The following SLC17A8 variants were observed in gnomAD, a reference collection of about 807,000 sequenced individuals.
SLC17A8 encodes the protein vesicular glutamate transporter 3.
SLC17A8 carries 31 observed loss-of-function variants against 58.0 expected under a neutral mutation model. The observed-to-expected ratio is 0.53, with a 90% CI of 0.40 to 0.72. The LOEUF is 0.72. Among genes scored for constraint, SLC17A8 ranks in the 30% least tolerant of loss-of-function variants. The probability of loss-of-function intolerance (pLI) is 0.00; values close to 1 mark genes in which losing one functional copy is unlikely to be tolerated. For synonymous variants in SLC17A8, 228 were observed against 249.0 expected (o/e 0.92, Z 0.79); for missense variants, 655 against 727.8 (o/e 0.90, Z 1.15).
intron 1 of SLC17A8, among the ~76,000 whole-genome samples, chr12:100,375,787 G>A (rs867821076): frequency 9.2e-5 from 14 of 152,164 alleles, no homozygotes; most frequent in Admixed American, 2.0e-4. Context: ...AGGCACTGCC[G>A]TGAATCATTT....
intron 5 of SLC17A8, among the ~76,000 whole-genome samples, chr12:100,400,212 T>G (rs1379915312): frequency 1.3e-5 from 2 of 152,140 alleles, no homozygotes; most frequent in Non-Finnish European, 2.9e-5. Context: ...GTATTTGGCC[T>G]GGGGACAAAG....
intron 9 of SLC17A8, among the ~76,000 whole-genome samples, chr12:100,406,013 A>G (rs1952823782): frequency 6.6e-6 from 1 of 152,074 alleles, no homozygotes; most frequent in Non-Finnish European, 1.5e-5. Context: ...AATGAAAACT[A>G]ATACAGTAGC....
chr12:100,404,299 C>T, intron 9 of SLC17A8, 129 bp downstream of exon 9: 6 of 1,204,778 alleles, frequency 5.0e-6, no homozygotes, highest in Non-Finnish European at 7.2e-6. Context: ...GTCTGTCCCT[C>T]AGCAGACACT....
At position 100,412,849 on chromosome 12, in the gene SLC17A8, T is replaced by C; in HGVS notation, c.1266T>C (p.Leu422=). The change falls in exon 10 of 12, where the codon CTT becomes CTC. Residue 422 remains leucine (L), a synonymous_variant. Coordinates refer to ENST00000323346, the MANE Select transcript of SLC17A8 (RefSeq NM_139319.3). ...TKGVAISFLV[L]AVGFSGFAIS... ...GGGTGGCTATCTCCTTTCTGGTACT[T>C]GCTGTAGGATTTAGTGGCTTCGCTA... The C allele has an allele frequency of 6.2e-7, 1 of 1,614,120 alleles. No individual in the cohort carries two copies. The highest frequency in any genetic ancestry group is 8.5e-7 in the Non-Finnish European group (1 of 1,179,996).
At chr12:100,357,856 AT>A (rs1176336545) in intron 1 of SLC17A8, among the ~76,000 whole-genome samples, 3 of 152,202 alleles carry the variant, frequency 2.0e-5, no homozygotes, top group African/African-American at 7.2e-5. Context: ...AACTGAAATA[AT>A]TTTTATGTTT....
rs1952787693 is a variant in SLC17A8, at chr12:100,401,076, C to T, written c.677-701C>T. Among the ~76,000 whole-genome samples, 3 of 145,264 alleles carry T rather than the reference C, an allele frequency of 2.1e-5. No homozygotes were observed. The South Asian group carries it at 6.6e-4, about 32-fold the overall frequency. On this transcript the variant is annotated intron_variant, in intron 5 of 11. Transcript: ENST00000323346. ...GCAGTGGTGAGATCTTGGCTCACTGCAACCTCCGCCTCACGGGTTCAAGCA... is the reference window on the plus strand; with the variant it reads ...GCAGTGGTGAGATCTTGGCTCACTGTAACCTCCGCCTCACGGGTTCAAGCA...
Position 100,407,606 on chromosome 12 carries a change from T to G in SLC17A8, c.1186+3436T>G, listed in dbSNP as rs540299676. On this transcript the variant is annotated intron_variant, in intron 9 of 11. Coordinates refer to ENST00000323346, the MANE Select transcript of SLC17A8 (RefSeq NM_139319.3). Reference sequence around the variant, plus strand: ...TATATATTTTTTTTGTTTGTTTGTTTTGTTTTGTTTTGTTTTTGAGATGGA... The same window carrying G: ...TATATATTTTTTTTGTTTGTTTGTTGTGTTTTGTTTTGTTTTTGAGATGGA... Among the ~76,000 whole-genome samples the G allele has an allele frequency of 3.5e-3, 527 of 151,702 alleles. 4 individuals are homozygous for G. Among genetic ancestry groups the G allele is most frequent in the South Asian group, 0.015 (71 of 4,798 alleles).
At chr12:100,416,558 A>G (rs2090669518) in intron 10 of SLC17A8, among the ~76,000 whole-genome samples, 2 of 152,048 alleles carry the variant, frequency 1.3e-5, no homozygotes, top group African/African-American at 4.8e-5. Context: ...TGCACAGAAT[A>G]GAGAAATAAA....
At chr12:100,409,327 A>G (rs1262564921) in intron 9 of SLC17A8, among the ~76,000 whole-genome samples, 1 of 152,138 alleles carries the variant, frequency 6.6e-6, no homozygotes, top group Non-Finnish European at 1.5e-5. Context: ...CTGGGATTAC[A>G]GGCACATGCA....
intron 2 of SLC17A8, among the ~76,000 whole-genome samples, chr12:100,389,647 T>C (rs1343140824): frequency 6.6e-6 from 1 of 151,318 alleles, no homozygotes; most frequent in East Asian, 1.9e-4. Context: ...TATGTATTTT[T>C]AGAGACAGGA....
In SLC17A8 at chr12:100,361,341, T is replaced by C. The variant is rs536183916; in HGVS notation, c.101+3849T>C. On this transcript the variant is annotated intron_variant, in intron 1 of 11. Coordinates refer to ENST00000323346, the MANE Select transcript of SLC17A8 (RefSeq NM_139319.3). Reference sequence around the variant, plus strand: ...GGATTCACCGGCCTCCTGGCTCTTATTAGAACTCCCCAGATTCACTCCTGT... The same window carrying C: ...GGATTCACCGGCCTCCTGGCTCTTACTAGAACTCCCCAGATTCACTCCTGT... Among the ~76,000 whole-genome samples the C allele has an allele frequency of 5.8e-4, 88 of 152,358 alleles. 1 individual carries two copies. The highest frequency in any genetic ancestry group is 2.0e-3 in the African/African-American group (83 of 41,594).
At chr12:100,368,921 C>G (rs1592987974) in intron 1 of SLC17A8, among the ~76,000 whole-genome samples, 1 of 152,128 alleles carries the variant, frequency 6.6e-6, no homozygotes, top group African/African-American at 2.4e-5. Flanking sequence ...ATTCAAAGTT[C>G]TTAGCTGCAA....
chr12:100,388,743 T>C (rs80020243), intron 2 of SLC17A8, among the ~76,000 whole-genome samples: 134 of 152,294 alleles, frequency 8.8e-4, no homozygotes, highest in African/African-American at 3.1e-3. Context: ...TTATAAAACA[T>C]AGTATGTTGA....
In SLC17A8 at chr12:100,420,286, A is replaced by G. The variant is rs1171402970; in HGVS notation, c.*127A>G. The G allele has an allele frequency of 3.7e-5, 26 of 706,508 alleles. No homozygotes were observed. In the East Asian group the frequency reaches 6.8e-4, roughly 18 times the overall value. The allele number at this position is 706,508 out of a possible 1,614,324, so 43.8% of individuals were successfully genotyped here. A position where few individuals can be genotyped will look rare whatever the true frequency, so the allele number is the denominator to read the frequency against. ...GAGGGGAGAAGATCTAACCAGCAAC[A>G]GGGAAAAGAGAAATATTATCTTTCA... is the stretch of plus-strand genomic sequence containing the variant. On this transcript the variant is annotated 3_prime_UTR_variant, in exon 12 of 12. Transcript: ENST00000323346.
intron 5 of SLC17A8, among the ~76,000 whole-genome samples, chr12:100,400,820 G>T (rs1159917169): frequency 6.6e-6 from 1 of 152,026 alleles, no homozygotes; most frequent in African/African-American, 2.4e-5. Flanking sequence ...GCAGAGGTCA[G>T]CTCACTGCCT....
chr12:100,412,917 G>T (rs1296026442), intron 10 of SLC17A8, 37 bp downstream of exon 10: 1 of 1,465,332 alleles, frequency 6.8e-7, no homozygotes, highest in Non-Finnish European at 9.6e-7. Flanking sequence ...CTTGACTATA[G>T]ATTCAACAAG....
intron 4 of SLC17A8, among the ~76,000 whole-genome samples, chr12:100,395,277 T>C (rs1952745008): frequency 1.3e-5 from 2 of 152,320 alleles, no homozygotes; most frequent in Middle Eastern, 3.4e-3. Flanking sequence ...TTTTAGTCCA[T>C]TTGGGCTTCT....
chr12:100,371,080 C>T (rs752011941), intron 1 of SLC17A8, among the ~76,000 whole-genome samples: 1 of 152,184 alleles, frequency 6.6e-6, no homozygotes, highest in Non-Finnish European at 1.5e-5. Context: ...TGATAAGATC[C>T]TATTTCAAAT....
chr12:100,380,147 C>A (rs1952623543), intron 1 of SLC17A8, among the ~76,000 whole-genome samples: 1 of 141,974 alleles, frequency 7.0e-6, no homozygotes, highest in South Asian at 2.2e-4. Flanking sequence ...TGCGGGGAGC[C>A]GAGATCGTGC....
Sources: gnomAD v4.1 joint callset for allele counts (sites outside exome capture counted in the v4.1 genomes callset) on GRCh38, gnomAD v4.1.1 for gene constraint, MANE v1.5 for transcripts, NCBI Gene and HGNC (gene_info 2026-07-23, HGNC 2026-07-21) for gene names.